CSMD3: variants seen among roughly 807,000 people sequenced by gnomAD.
CSMD3 encodes CUB and Sushi multiple domains 3, also known as CUB and sushi domain-containing protein 3.
A neutral mutation model predicts 435.2 loss-of-function variants in CSMD3; 177 were observed. The ratio of observed to expected loss-of-function variants is 0.41; its 90% confidence interval spans 0.36 to 0.46. CSMD3 has a LOEUF of 0.46. Ranked by LOEUF, CSMD3 falls within the 20% of genes least tolerant of loss-of-function variation. The probability of loss-of-function intolerance (pLI) is 0.34; values close to 1 mark genes in which losing one functional copy is unlikely to be tolerated. For synonymous variants in CSMD3, 1,656 were observed against 1,520.5 expected, an observed-to-expected ratio of 1.09 and a Z score of -2.07; for missense variants, 4,265 against 4,504.6, an observed-to-expected ratio of 0.95 and a Z score of 1.52.
chr8:112,592,923 T>C (rs1214550431), intron 22 of CSMD3, among the ~76,000 whole-genome samples: 1 of 152,094 alleles, frequency 6.6e-6, no homozygotes, highest in Admixed American at 6.5e-5. Flanking sequence ...CAAGTTCATG[T>C]AATAGGCTGA....
chr8:113,257,285 C>T (rs963632611), intron 3 of CSMD3, among the ~76,000 whole-genome samples: 30 of 152,070 alleles, frequency 2.0e-4, no homozygotes, highest in Admixed American at 5.9e-4. Flanking sequence ...GTGGCAGGTG[C>T]CTGTAGTCCC....
intron 7 of CSMD3, among the ~76,000 whole-genome samples, chr8:112,967,885 A>G (rs1026560934): frequency 1.3e-5 from 2 of 151,858 alleles, no homozygotes; most frequent in Non-Finnish European, 1.5e-5. Context: ...GAAAAGAAGT[A>G]AAGAGAAAAA....
intron 22 of CSMD3, among the ~76,000 whole-genome samples, chr8:112,596,324 A>G (rs1563748106): frequency 6.6e-6 from 1 of 152,194 alleles, no homozygotes; most frequent in African/African-American, 2.4e-5. Context: ...AACTATCCAA[A>G]ATATATATGC....
At chr8:112,665,896 AGAC>A (rs2075510579) in intron 17 of CSMD3, among the ~76,000 whole-genome samples, 2 of 152,136 alleles carry the variant, frequency 1.3e-5, no homozygotes, top group African/African-American at 2.4e-5. Flanking sequence ...TAAGTGTCTT[AGAC>A]TGCACTAGTG....
chr8:113,359,652 T>C (rs2094258211), intron 1 of CSMD3, among the ~76,000 whole-genome samples: 1 of 152,220 alleles, frequency 6.6e-6, no homozygotes. Flanking sequence ...CTTTCCAGTC[T>C]TTGCTTCTGA....
chr8:112,992,959 G>T (rs1160792833), intron 6 of CSMD3, among the ~76,000 whole-genome samples: 1 of 151,574 alleles, frequency 6.6e-6, no homozygotes, highest in Non-Finnish European at 1.5e-5. Flanking sequence ...TCATCCCAAA[G>T]ATGAAAAAGT....
chr8:113,377,057 G>T (rs981891830), intron 1 of CSMD3: 18 of 1,305,890 alleles, frequency 1.4e-5, no homozygotes, highest in Non-Finnish European at 1.8e-5. Flanking sequence ...AGCGGGGCGC[G>T]GGGCAAGAGC....
chr8:112,572,671 TTAA>T (rs1563718936), intron 24 of CSMD3, among the ~76,000 whole-genome samples: 1 of 152,092 alleles, frequency 6.6e-6, no homozygotes, highest in East Asian at 1.9e-4. Flanking sequence ...CTATACAACA[TTAA>T]TGAGTGCTCT....
At chr8:112,476,312 C>T (rs540063097) in intron 31 of CSMD3, among the ~76,000 whole-genome samples, 1 of 152,096 alleles carries the variant, frequency 6.6e-6, no homozygotes, top group African/African-American at 2.4e-5. Context: ...TCTTAGAGTG[C>T]TGGGATTATA....
chr8:112,254,334 G>T lies in CSMD3; in HGVS notation c.10037-8C>A. ...AAGAGGTTTGGGTAGGCTCTAAAATGAAGATTAAAAAGATATTAGTCCTTT... is the reference window on the plus strand; with the variant it reads ...AAGAGGTTTGGGTAGGCTCTAAAATTAAGATTAAAAAGATATTAGTCCTTT... On this transcript the variant is annotated splice_polypyrimidine_tract_variant and splice_region_variant and intron_variant, in intron 62 of 70. Transcript: ENST00000297405. 1.2e-6 allele frequency: 2 copies of T among 1,600,996 alleles called. No homozygotes were observed. Among genetic ancestry groups the T allele is most frequent in the South Asian group, 1.1e-5 (1 of 90,832 alleles).
chr8:112,686,569 C>G (rs2076016524), intron 14 of CSMD3, among the ~76,000 whole-genome samples: 1 of 151,614 alleles, frequency 6.6e-6, no homozygotes, highest in Non-Finnish European at 1.5e-5. Context: ...TCACTGCAAC[C>G]TCCACCTTCC....
intron 22 of CSMD3, among the ~76,000 whole-genome samples, chr8:112,594,035 C>G (rs559762791): frequency 1.6e-4 from 24 of 152,164 alleles, no homozygotes; most frequent in Non-Finnish European, 3.1e-4. Flanking sequence ...CGAATAGGAA[C>G]AGCTCCGGTC....
chr8:112,463,725 C>T (rs1817676608), intron 32 of CSMD3, among the ~76,000 whole-genome samples: 2 of 152,130 alleles, frequency 1.3e-5, no homozygotes, highest in African/African-American at 4.8e-5. Context: ...AAAACTGTGA[C>T]TAATGTTAAG....
intron 63 of CSMD3, among the ~76,000 whole-genome samples, chr8:112,249,491 C>T (rs1815069335): frequency 6.6e-6 from 1 of 152,080 alleles, no homozygotes; most frequent in South Asian, 2.1e-4. Context: ...TTGAGAACTA[C>T]ACAATAGACA....
rs556774636 is a variant in CSMD3 at position 113,394,762 on chromosome 8, C to T, written c.178+41915G>A. 2.0e-5 allele frequency among the ~76,000 whole-genome samples: 3 copies of T among 152,044 alleles called. No individual in the cohort carries two copies. The East Asian group carries it at 5.8e-4, about 29-fold the overall frequency. On this transcript the variant is annotated intron_variant, in intron 1 of 70. Transcript: ENST00000297405. The stretch of plus-strand genomic sequence containing the variant: ...AACATGTACATGAAAGACATAGACT[C>T]TGCATTCAAGAAATTGAATGTATTG...
chr8:112,735,010 T>C (rs1394083276), intron 13 of CSMD3, among the ~76,000 whole-genome samples: 2 of 152,044 alleles, frequency 1.3e-5, no homozygotes, highest in Non-Finnish European at 2.9e-5. Flanking sequence ...TATTTGTCTC[T>C]TGTTTTGAAA....
chr8:112,475,797 A>G (rs1275180962), intron 31 of CSMD3, among the ~76,000 whole-genome samples: 1 of 152,072 alleles, frequency 6.6e-6, no homozygotes, highest in East Asian at 1.9e-4. Flanking sequence ...TGGCTAATGG[A>G]GAAAAGGGCA....
intron 19 of CSMD3, among the ~76,000 whole-genome samples, chr8:112,646,021 A>G (rs1034675416): frequency 2.0e-5 from 3 of 152,208 alleles, no homozygotes; most frequent in Non-Finnish European, 4.4e-5. Context: ...CAAGGGCAGT[A>G]AGAATCATGA....
At chr8:112,897,680 C>G (rs1383107948) in intron 10 of CSMD3, among the ~76,000 whole-genome samples, 16 of 88,622 alleles carry the variant, frequency 1.8e-4, no homozygotes, top group African/African-American at 5.0e-4. Context: ...CTCTCTCTCT[C>G]TCTCTCTCTC....
Sources: allele counts gnomAD v4.1 joint callset (sites outside exome capture counted in the v4.1 genomes callset), GRCh38; gene constraint gnomAD v4.1.1; transcripts MANE v1.5; gene names NCBI Gene and HGNC (gene_info 2026-07-23, HGNC 2026-07-21).